Variants in OAS3 observed in about 807,000 individuals in gnomAD.
OAS3 encodes the protein 2'-5'-oligoadenylate synthetase 3.
A neutral mutation model predicts 113.0 loss-of-function variants in OAS3; 107 were observed. The ratio of observed to expected loss-of-function variants is 0.95; its 90% CI spans 0.81 to 1.11. OAS3 has a LOEUF of 1.11. Among genes scored for constraint, OAS3 ranks in the 50% most tolerant of loss-of-function variants. The pLI is 0.00. For synonymous variants in OAS3, 552 were observed against 573.6 expected, an observed-to-expected ratio of 0.96 and a Z score of 0.54; for missense variants, 1,258 against 1,389.1, an observed-to-expected ratio of 0.91 and a Z score of 1.50.
rs1473533540 is a variant in OAS3, at chr12:112,944,521, CCCT to C, written c.511_513del (p.Leu171del). 1.9e-6 allele frequency: 3 copies of C among 1,614,086 alleles called. No individual in the cohort carries two copies. The highest frequency in any genetic ancestry group is 2.5e-6 in the Non-Finnish European group (3 of 1,179,906). ...AAACCCAAGCCACAAGTCTACTCTA[CCCT>C]CCTCAACAGTGGCTGCCAAGGGGGC... On this transcript the variant is annotated inframe_deletion, in exon 3 of 16. Coordinates refer to ENST00000228928, the MANE Select transcript of OAS3 (RefSeq NM_006187.4).
At position 112,963,951 on chromosome 12, in the gene OAS3, G is replaced by C. The variant is rs1391643954; in HGVS notation, c.2230-284G>C. Among the ~76,000 whole-genome samples, 1 of 152,096 alleles carries C rather than the reference G, an allele frequency of 6.6e-6. No homozygotes were observed. On this transcript the variant is annotated intron_variant, in intron 10 of 15. Transcript: ENST00000228928. This position sits in a 1 kb window ranked among gnomAD's most constrained non-coding sequence, Gnocchi z 4.6. ...TATCACATTTACTATTTTGCAGCAG[G>C]GTCTCATAACCAGCATTTAATACTC... is the stretch of plus-strand genomic sequence containing the variant.
At chr12:112,960,484 C>T (rs991901322) in intron 7 of OAS3, among the ~76,000 whole-genome samples, 12 of 149,068 alleles carry the variant, frequency 8.1e-5, no homozygotes, top group Non-Finnish European at 1.5e-4. Context: ...ATTGTAGCTT[C>T]CTCTCTGTGT....
At chr12:112,942,016 G>T in intron 2 of OAS3, 164 bp downstream of exon 2, 1 of 818,382 alleles carries the variant, frequency 1.2e-6, no homozygotes, top group South Asian at 1.6e-5. Context: ...ACTTGTGCCA[G>T]ACAAAGGCAG....
chr12:112,958,298 G>A (rs138449003), intron 7 of OAS3, among the ~76,000 whole-genome samples: 13 of 152,308 alleles, frequency 8.5e-5, no homozygotes, highest in South Asian at 2.1e-4. Context: ...CCTTTAGCTC[G>A]GAGAAGTTTG....
chr12:112,964,415 C>T lies in OAS3; in HGVS notation c.2403+7C>T. 6.2e-7 allele frequency: 1 copy of T among 1,608,776 alleles called. No homozygotes were observed. The highest frequency in any genetic ancestry group is 8.5e-7 in the Non-Finnish European group (1 of 1,177,498). The stretch of plus-strand genomic sequence containing the variant: ...AGTGATCAAGGTGGTCAAGGTGAGT[C>T]CTCAGAGAGCTGTAGGCAAGCAGTG... On this transcript the variant is annotated splice_region_variant and intron_variant, in intron 11 of 15. Coordinates refer to ENST00000228928, the MANE Select transcript of OAS3 (RefSeq NM_006187.4).
chr12:112,964,144 A>T, intron 10 of OAS3, 91 bp from the exon 11 acceptor site: 1 of 1,262,242 alleles, frequency 7.9e-7, no homozygotes, highest in Non-Finnish European at 1.1e-6. Flanking sequence ...AGACAGTGGG[A>T]GTCTTGTCCT....
intron 5 of OAS3, among the ~76,000 whole-genome samples, 192 bp downstream of exon 5, chr12:112,948,291 T>A (rs942754302): frequency 2.0e-5 from 3 of 151,832 alleles, no homozygotes; most frequent in African/African-American, 7.3e-5. Context: ...AGGTCAGAGG[T>A]CAGGAGTTCG....
At position 112,950,770 on chromosome 12, in the gene OAS3, G is replaced by A. The variant is rs374859759; in HGVS notation, c.1452G>A (p.Thr484=). ...VELIIFLNCF[T]DYKDQGPRRA... is the part of the protein sequence containing the mutation. Reference sequence around the variant, plus strand: ...TCATCATCTTCCTCAACTGCTTCACGGACTACAAGGACCAGGGGCCCCGCC... The same window carrying A: ...TCATCATCTTCCTCAACTGCTTCACAGACTACAAGGACCAGGGGCCCCGCC... The change falls in exon 7 of 16, where the codon ACG becomes ACA. Residue 484 remains threonine, a synonymous_variant. Coordinates refer to ENST00000228928, the MANE Select transcript of OAS3 (RefSeq NM_006187.4). The A allele has an allele frequency of 2.4e-5, 39 of 1,613,886 alleles. No individual in the cohort carries two copies. Among genetic ancestry groups the A allele is most frequent in the Admixed American group, 1.0e-4 (6 of 60,000 alleles).
In OAS3 at chr12:112,950,860, C is replaced by A. The variant is rs1041196328; in HGVS notation, c.1542C>A (p.Ser514Arg). 19 of 1,613,942 alleles carry A rather than the reference C, an allele frequency of 1.2e-5. No homozygotes were observed. Among genetic ancestry groups the A allele is most frequent in the African/African-American group, 4.0e-5 (3 of 74,948 alleles). ...LESWWQDQVPSLSLQFPEQNV... is the reference protein window; with the variant it reads ...LESWWQDQVPRLSLQFPEQNV... ...CCTGGTGGCAGGACCAGGTGCCCAGCCTGAGCCTTCAGTTTCCTGAGCAGA... is the reference window on the plus strand; with the variant it reads ...CCTGGTGGCAGGACCAGGTGCCCAGACTGAGCCTTCAGTTTCCTGAGCAGA... Residue 514 changes from serine (S) to arginine (R), a missense_variant, in exon 7 of 16, where the codon AGC (serine) becomes AGA (arginine). Coordinates refer to ENST00000228928, the MANE Select transcript of OAS3 (RefSeq NM_006187.4).
At chr12:112,956,070 T>C (rs78069989) in intron 7 of OAS3, among the ~76,000 whole-genome samples, 3,101 of 152,330 alleles carry the variant, frequency 0.02, 92 homozygotes, top group African/African-American at 0.071. Flanking sequence ...CTTGGGAGCG[T>C]GTCTGTGTCC....
At chr12:112,955,560 G>A (rs1245809681) in intron 7 of OAS3, among the ~76,000 whole-genome samples, 1 of 152,070 alleles carries the variant, frequency 6.6e-6, no homozygotes, top group Non-Finnish European at 1.5e-5. Flanking sequence ...AGGCCTTTTT[G>A]GCATCTATTG....
rs1018742530 is a variant in OAS3 at position 112,963,393 on chromosome 12, C to T, written c.2165C>T (p.Ala722Val). Residue 722 changes from alanine to valine, a missense_variant, in exon 10 of 16, where the codon GCG becomes GTG. Physicochemically the swap from Ala to Val is moderately conservative, Grantham distance 64. Coordinates refer to ENST00000228928, the MANE Select transcript of OAS3 (RefSeq NM_006187.4). The surrounding 1 kb of genome is among the most constrained non-coding windows in gnomAD (Gnocchi z 4.6). ...SWELLAQEAA[A>V]LGMQACFLSR... ...GAGCTGTTGGCCCAGGAAGCAGCAG[C>T]GCTGGGGATGCAGGCCTGCTTTCTG... is the stretch of plus-strand genomic sequence containing the variant. 1.3e-5 allele frequency: 20 copies of T among 1,553,032 alleles called. No homozygotes were observed. The highest frequency in any genetic ancestry group is 7.8e-5 in the Admixed American group (4 of 51,276).
chr12:112,948,063 G>A lies in OAS3; in HGVS notation c.993G>A (p.Arg331=), dbSNP rs1010431558. The change falls in exon 5 of 16, where the codon AGG becomes AGA. Residue 331 remains arginine, a synonymous_variant. Coordinates refer to ENST00000228928, the MANE Select transcript of OAS3 (RefSeq NM_006187.4). Reference sequence around the variant, plus strand: ...GCTATGACCACCCATGCTTTCTGAGGGGGATGGGGGACCCAGTGCAGTCTT... The same window carrying A: ...GCTATGACCACCCATGCTTTCTGAGAGGGATGGGGGACCCAGTGCAGTCTT... ...ASCYDHPCFL[R]GMGDPVQSWK... 8 of 1,576,558 alleles carry A rather than the reference G, an allele frequency of 5.1e-6. No homozygotes were observed. The highest frequency in any genetic ancestry group is 6.9e-6 in the Non-Finnish European group (8 of 1,160,966).
intron 2 of OAS3, 136 bp downstream of exon 2, chr12:112,941,988 G>A: frequency 1.9e-6 from 2 of 1,073,766 alleles, no homozygotes; most frequent in South Asian, 1.4e-5. Context: ...GCCTCAGTCT[G>A]GGGACTAAAC....
At chr12:112,947,895 C>T (rs372497600) in intron 4 of OAS3, 51 bp from the exon 5 acceptor site, 166 of 1,503,662 alleles carry the variant, frequency 1.1e-4, no homozygotes, top group Admixed American at 1.5e-4. Context: ...GTCCGTTTCA[C>T]TCCAGAGCCC....
At chr12:112,953,995 T>C (rs560705740) in intron 7 of OAS3, among the ~76,000 whole-genome samples, 98 of 152,372 alleles carry the variant, frequency 6.4e-4, no homozygotes, top group Non-Finnish European at 1.2e-3. Context: ...TTAGTTTAAT[T>C]AGATCCCATT....
At position 112,971,755 on chromosome 12, in the gene OAS3, A is replaced by G. The variant is rs936850947; in HGVS notation, c.*1782A>G. The G allele has an allele frequency of 1.3e-5, 2 of 152,212 alleles. No individual in the cohort carries two copies. The highest frequency in any genetic ancestry group is 2.9e-5 in the Non-Finnish European group (2 of 68,048). The allele number at this position is 152,212 out of a possible 1,614,324, so 9.4% of individuals were successfully genotyped here. A position where few individuals can be genotyped will look rare whatever the true frequency, so the allele number is the denominator to read the frequency against. The stretch of plus-strand genomic sequence containing the variant: ...AGGGAAGCTCCTCTGATTCACCTAG[A>G]ACCTGTTCTCTGCCGTCTTTGGCTC... On this transcript the variant is annotated 3_prime_UTR_variant, in exon 16 of 16. Coordinates refer to ENST00000228928, the MANE Select transcript of OAS3 (RefSeq NM_006187.4).
chr12:112,948,031 G>A lies in OAS3; in HGVS notation c.961G>A (p.Ala321Thr), dbSNP rs749442922. The change falls in exon 5 of 16, where the codon GCA (alanine) becomes ACA (threonine). Residue 321 changes from alanine (A) to threonine (T), a missense_variant. Physicochemically the swap from Ala to Thr is moderately conservative, Grantham distance 58 (BLOSUM62 0). Coordinates refer to ENST00000228928, the MANE Select transcript of OAS3 (RefSeq NM_006187.4). Reference sequence around the variant, plus strand: ...CTGGGATTTGCTAGCCCAGGAGGCAGCATCCTGCTATGACCACCCATGCTT... The same window carrying A: ...CTGGGATTTGCTAGCCCAGGAGGCAACATCCTGCTATGACCACCCATGCTT... ...WHWDLLAQEA[A>T]SCYDHPCFLR... 90 of 1,599,968 alleles carry A rather than the reference G, an allele frequency of 5.6e-5. 2 individuals carry two copies. In the South Asian group the frequency reaches 9.4e-4, roughly 17 times the overall value.
chr12:112,963,290 C>T lies in OAS3; in HGVS notation c.2085-23C>T, dbSNP rs1164724302. ...TTTCACTGACTCCCACCTTCCCCAC[C>T]CACCTTCCTGCTGTGCCCCCAGACC... On this transcript the variant is annotated intron_variant, in intron 9 of 15. Transcript: ENST00000228928. This position sits in a 1 kb window ranked among gnomAD's most constrained non-coding sequence, Gnocchi z 4.6. The T allele has an allele frequency of 3.2e-6, 5 of 1,553,066 alleles. No individual in the cohort carries two copies. The highest frequency in any genetic ancestry group is 1.8e-5 in the Admixed American group (1 of 54,302).
Sources: allele counts gnomAD v4.1 joint callset (sites outside exome capture counted in the v4.1 genomes callset), GRCh38; gene constraint gnomAD v4.1.1; non-coding constraint Gnocchi (gnomAD v3.1); transcripts MANE v1.5; gene names NCBI Gene and HGNC (gene_info 2026-07-23, HGNC 2026-07-21).